TRAPPC8: variants seen among roughly 807,000 people sequenced by gnomAD.
TRAPPC8 encodes trafficking protein particle complex subunit 8.
TRAPPC8 carries 54 observed loss-of-function variants against 174.3 expected under a neutral mutation model. The observed-to-expected ratio is 0.31, with a 90% CI of 0.25 to 0.39. The LOEUF (loss-of-function observed/expected upper bound fraction) is 0.39, where lower values mean the gene tolerates loss of function less well. Ranked by LOEUF, TRAPPC8 falls within the 10% of genes least tolerant of loss-of-function variation. TRAPPC8 has a pLI of 1.00. For missense variants in TRAPPC8, 1,531 were observed against 1,699.1 expected, an observed-to-expected ratio of 0.90 and a Z score of 1.74; for synonymous variants, 630 against 579.9, an observed-to-expected ratio of 1.09 and a Z score of -1.24.
In TRAPPC8 at chr18:31,943,010, C is replaced by A; in HGVS notation, c.-246G>T. The A allele has an allele frequency of 1.4e-6, 1 of 729,238 alleles. No individual in the cohort carries two copies. Among genetic ancestry groups the A allele is most frequent in the South Asian group, 6.3e-5 (1 of 15,846 alleles). The allele number at this position is 729,238 out of a possible 1,614,324, so 45.2% of individuals were successfully genotyped here. ...TCGTCCCCGCGTGCTCGCATTCCAC[C>A]CCGATAGGTGGAGACGCCGACAGTC... On this transcript the variant is annotated 5_prime_UTR_variant, in exon 1 of 29. Transcript: ENST00000283351.
chr18:31,872,712 C>T (rs2034931701), intron 14 of TRAPPC8, among the ~76,000 whole-genome samples: 1 of 151,972 alleles, frequency 6.6e-6, no homozygotes. Context: ...AGCCACCACA[C>T]CCGGCCACAA....
chr18:31,913,622 C>A, intron 4 of TRAPPC8, 100 bp from the exon 5 acceptor site: 3 of 905,016 alleles, frequency 3.3e-6, no homozygotes, highest in Non-Finnish European at 4.6e-6. Flanking sequence ...AAATAATCCC[C>A]CAAAAAGGCA....
intron 11 of TRAPPC8, chr18:31,891,206 C>CT (rs200212704): frequency 0.059 from 9,092 of 154,448 alleles, 287 homozygotes; most frequent in Middle Eastern, 0.1. Context: ...ACAGGTATAC[C>CT]GATAAAAAAT....
chr18:31,933,783 ATTGATTTCTAACATTTT>A (rs984419636), intron 1 of TRAPPC8, among the ~76,000 whole-genome samples: 4 of 150,520 alleles, frequency 2.7e-5, no homozygotes, highest in Non-Finnish European at 4.4e-5. Flanking sequence ...TATGTGTTCT[ATTGATTTCTAACATTTT>A]TTACTAAAAA....
chr18:31,908,686 T>C, intron 7 of TRAPPC8, 68 bp downstream of exon 7: 1 of 1,404,022 alleles, frequency 7.1e-7, no homozygotes, highest in Non-Finnish European at 9.4e-7. Context: ...TTCAAATACG[T>C]TTAATAATTC....
At chr18:31,853,169 A>G (rs1244171591) in intron 22 of TRAPPC8, among the ~76,000 whole-genome samples, 1 of 152,242 alleles carries the variant, frequency 6.6e-6, no homozygotes, top group Non-Finnish European at 1.5e-5. Context: ...GCCAGTCAGT[A>G]CGTAGGTATG....
At chr18:31,881,396 A>C (rs1366589082) in intron 12 of TRAPPC8, among the ~76,000 whole-genome samples, 2 of 152,104 alleles carry the variant, frequency 1.3e-5, no homozygotes, top group African/African-American at 4.8e-5. Flanking sequence ...GGGGAAAAGG[A>C]CTCCCTATTC....
chr18:31,931,335 T>C lies in TRAPPC8; in HGVS notation c.346A>G (p.Ile116Val). The C allele has an allele frequency of 6.4e-7, 1 of 1,562,348 alleles. No individual in the cohort carries two copies. The highest frequency in any genetic ancestry group is 8.7e-7 in the Non-Finnish European group (1 of 1,153,642). The change falls in exon 2 of 29, where the codon ATC becomes GTC. Residue 116 changes from isoleucine (I) to valine (V), a missense_variant. Ile to Val is a conservative substitution (Grantham distance 29). Coordinates refer to ENST00000283351, the MANE Select transcript of TRAPPC8 (RefSeq NM_014939.5). The stretch of plus-strand genomic sequence containing the variant: ...AATAAACCTTGTTACATACCACTGA[T>C]GTTAAGGTCATAATCTCCTGCTGTA... ...VITAGDYDLN[I>V]SATTPWFESY... is the part of the protein sequence containing the mutation.
chr18:31,942,468 C>T, intron 1 of TRAPPC8, 140 bp downstream of exon 1: 1 of 1,166,544 alleles, frequency 8.6e-7, no homozygotes, highest in South Asian at 2.0e-5. Flanking sequence ...CCCCGGAGCA[C>T]CGCGGGGCCA....
Position 31,849,612 on chromosome 18 carries a change from A to G in TRAPPC8, c.3689T>C (p.Ile1230Thr). ...KQSTEDAVRL[I>T]QKCSEVDLNI... ...CAAATCTACCTCACTGCATTTTTGA[A>G]TCAATCTCACAGCATCCTCTGTTGA... Residue 1230 changes from isoleucine (I) to threonine (T), a missense_variant, in exon 25 of 29, where the codon ATT becomes ACT. Transcript: ENST00000283351. The G allele has an allele frequency of 6.2e-7, 1 of 1,611,276 alleles. No individual in the cohort carries two copies.
intron 15 of TRAPPC8, 76 bp from the exon 16 acceptor site, chr18:31,870,578 A>G: frequency 3.4e-6 from 5 of 1,479,404 alleles, no homozygotes; most frequent in Non-Finnish European, 4.6e-6. Context: ...TTCTAAATGC[A>G]TCTTGCTTTC....
Position 31,935,548 on chromosome 18 carries a change from T to TGAAAAAAAAAAAAAAAAAAAAAAAA in TRAPPC8, c.158-4026_158-4025insTTTTTTTTTTTTTTTTTTTTTTTTC, listed in dbSNP as rs745488703. Among the ~76,000 whole-genome samples the TGAAAAAAAAAAAAAAAAAAAAAAAA allele has an allele frequency of 1.8e-3, 82 of 46,244 alleles. 23 individuals carry two copies. The highest frequency in any genetic ancestry group is 3.5e-3 in the Admixed American group (10 of 2,824). The allele number at this position is 46,244 out of a possible 152,430, so 30.3% of individuals were successfully genotyped here. A position where few individuals can be genotyped will look rare whatever the true frequency, so the allele number is the denominator to read the frequency against. On this transcript the variant is annotated intron_variant, in intron 1 of 28. Transcript: ENST00000283351. ...GGGCAACAAGAGCGAAACTCCATCT[T>TGAAAAAAAAAAAAAAAAAAAAAAAA]AAAAAAAAAAAAAAAAAAAAGCAGG...
intron 12 of TRAPPC8, among the ~76,000 whole-genome samples, chr18:31,886,683 A>G (rs1458490730): frequency 1.3e-5 from 2 of 152,188 alleles, no homozygotes; most frequent in Non-Finnish European, 2.9e-5. Flanking sequence ...TAATTGAACT[A>G]TAAACAACTT....
chr18:31,903,858 C>CA (rs35072678), intron 9 of TRAPPC8, among the ~76,000 whole-genome samples: 38,885 of 143,230 alleles, frequency 0.27, 5,234 homozygotes, highest in Middle Eastern at 0.41. Context: ...AGATCTGTAT[C>CA]AAAAAAAAAA....
intron 12 of TRAPPC8, among the ~76,000 whole-genome samples, chr18:31,886,721 G>A (rs1321790243): frequency 6.6e-6 from 1 of 152,168 alleles, no homozygotes; most frequent in Non-Finnish European, 1.5e-5. Context: ...AATGGCTCAT[G>A]CCTGTAATCT....
chr18:31,834,753 T>G (rs2032606682), intron 27 of TRAPPC8, among the ~76,000 whole-genome samples: 2 of 152,198 alleles, frequency 1.3e-5, no homozygotes, highest in Admixed American at 1.3e-4. Flanking sequence ...GATTTTATCT[T>G]TGTTATCTCC....
At chr18:31,870,531 CTTTAATAA>C in intron 15 of TRAPPC8, 29 bp from the exon 16 acceptor site, 1 of 1,590,878 alleles carries the variant, frequency 6.3e-7, no homozygotes. Context: ...AAATTAATAA[CTTTAATAA>C]ACATCACACC....
chr18:31,916,846 C>CAAAA (rs5823825), intron 3 of TRAPPC8, among the ~76,000 whole-genome samples: 19 of 126,876 alleles, frequency 1.5e-4, no homozygotes, highest in South Asian at 5.2e-4. Flanking sequence ...ATTTTCACAG[C>CAAAA]AAAAAAAAAA....
At chr18:31,883,780 TAA>T (rs1256775587) in intron 12 of TRAPPC8, 1 of 152,238 alleles carries the variant, frequency 6.6e-6, no homozygotes, top group Admixed American at 6.5e-5. Flanking sequence ...TCTAAAAATC[TAA>T]AAGTTTTTAG....
Sources: gnomAD v4.1 joint callset for allele counts (sites outside exome capture counted in the v4.1 genomes callset) on GRCh38, gnomAD v4.1.1 for gene constraint, MANE v1.5 for transcripts, NCBI Gene and HGNC (gene_info 2026-07-23, HGNC 2026-07-21) for gene names.